The following HSPG2 variants were observed in gnomAD, a reference collection of about 807,000 sequenced individuals.
HSPG2 encodes basement membrane-specific heparan sulfate proteoglycan core protein.
A neutral mutation model predicts 526.6 loss-of-function variants in HSPG2; 278 were observed. The ratio of observed to expected loss-of-function variants is 0.53; its 90% CI spans 0.48 to 0.58. The LOEUF (loss-of-function observed/expected upper bound fraction) is 0.58, where lower values mean the gene tolerates loss of function less well. Ranked by LOEUF, HSPG2 falls within the 20% of genes least tolerant of loss-of-function variation. HSPG2 has a pLI of 0.00. For synonymous variants in HSPG2, 2,465 were observed against 2,555.4 expected, an observed-to-expected ratio of 0.96 and a Z score of 1.07; for missense variants, 5,354 against 6,099.5, an observed-to-expected ratio of 0.88 and a Z score of 4.07.
chr1:21,870,260 TC>T, intron 33 of HSPG2: 1 of 986,040 alleles, frequency 1.0e-6, no homozygotes, highest in Non-Finnish European at 1.2e-6. Flanking sequence ...GGCTCTGGGA[TC>T]CTCCCAGCTG....
In HSPG2 at chr1:21,857,067, G is replaced by C; in HGVS notation, c.5523C>G (p.Thr1841=). 3 of 1,614,136 alleles carry C rather than the reference G, an allele frequency of 1.9e-6. No homozygotes were observed. Among genetic ancestry groups the C allele is most frequent in the Non-Finnish European group, 2.5e-6 (3 of 1,180,028 alleles). ...QLSDAGTYVC[T]GSNMFAMDQG... ...GGTCCATGGCAAACATGTTGGAGCC[G>C]GTGCACACGTAGGTGCCTGCATCAC... Residue 1841 remains threonine (T), a synonymous_variant, in exon 44 of 97, where the codon ACC becomes ACG. Transcript: ENST00000374695.
intron 91 of HSPG2, among the ~76,000 whole-genome samples, chr1:21,827,551 G>A (rs1366911686): frequency 6.6e-6 from 1 of 152,222 alleles, no homozygotes; most frequent in African/African-American, 2.4e-5. Context: ...TTGGGAATGA[G>A]GGTCTTGCTT....
At chr1:21,835,131 C>T (rs1006601711) in intron 76 of HSPG2, 186 bp from the exon 77 acceptor site, 4 of 699,090 alleles carry the variant, frequency 5.7e-6, no homozygotes, top group Admixed American at 4.6e-5. Flanking sequence ...TACTCACTCA[C>T]GTGTCCACTT....
chr1:21,889,897 C>A (rs775668614), intron 6 of HSPG2, 84 bp downstream of exon 6: 7 of 1,428,984 alleles, frequency 4.9e-6, no homozygotes, highest in East Asian at 2.3e-5. Context: ...TGTGCAAGCC[C>A]AAGTTGGGAG....
rs746789334 is a variant in HSPG2 at position 21,847,714 on chromosome 1, C to G, written c.8000G>C (p.Gly2667Ala). 1.2e-6 allele frequency: 2 copies of G among 1,610,658 alleles called. No individual in the cohort carries two copies. The highest frequency in any genetic ancestry group is 1.7e-5 in the Admixed American group (1 of 59,496). The change falls in exon 61 of 97, where the codon GGG becomes GCG. Residue 2667 changes from glycine (G) to alanine (A), a missense_variant. Transcript: ENST00000374695. The surrounding 1 kb of genome is among the most constrained non-coding windows in gnomAD (Gnocchi z 4.1). Reference sequence around the variant, plus strand: ...CTGGTGTCGGGAGGGAAGGCTGCCCCCACGCTTGTACCATGTGATGATAGC... The same window carrying G: ...CTGGTGTCGGGAGGGAAGGCTGCCCGCACGCTTGTACCATGTGATGATAGC... ...PQAIITWYKR[G>A]GSLPSRHQTH... is the part of the protein sequence containing the mutation.
chr1:21,855,191 G>T, intron 47 of HSPG2, 113 bp downstream of exon 47: 1 of 1,432,312 alleles, frequency 7.0e-7, no homozygotes, highest in Non-Finnish European at 9.4e-7. Context: ...TCTTGGAGGT[G>T]AAGGGAGCCA....
At chr1:21,928,338 G>A (rs531512509) in intron 1 of HSPG2, among the ~76,000 whole-genome samples, 3 of 152,384 alleles carry the variant, frequency 2.0e-5, no homozygotes, top group Admixed American at 2.0e-4. Context: ...CAGCTCCCAA[G>A]TGCAGGGGCC....
intron 91 of HSPG2, among the ~76,000 whole-genome samples, chr1:21,827,063 C>T (rs901931990): frequency 6.6e-6 from 1 of 151,856 alleles, no homozygotes; most frequent in East Asian, 2.0e-4. Flanking sequence ...CAAAAATTAG[C>T]GGGGTGTGGT....
At chr1:21,879,339 T>A (rs898547198) in intron 17 of HSPG2, among the ~76,000 whole-genome samples, 5 of 152,212 alleles carry the variant, frequency 3.3e-5, no homozygotes, top group African/African-American at 1.2e-4. Context: ...CTGCTTTTTA[T>A]TGACCTAAAC....
In HSPG2 at chr1:21,839,589, T is replaced by C. The variant is rs1402931473; in HGVS notation, c.9710-39A>G. The C allele has an allele frequency of 6.2e-7, 1 of 1,608,542 alleles. No homozygotes were observed. On this transcript the variant is annotated intron_variant, in intron 72 of 96. Coordinates refer to ENST00000374695, the MANE Select transcript of HSPG2 (RefSeq NM_005529.7). This position sits in a 1 kb window ranked among gnomAD's most constrained non-coding sequence, Gnocchi z 4.5. ...TGGAAGATGACAGAAGTCACTGGGC[T>C]ACCTCAGGGACCCGCAGAGGGTGGC...
intron 1 of HSPG2, among the ~76,000 whole-genome samples, chr1:21,914,625 G>C (rs1485090532): frequency 6.6e-6 from 1 of 152,178 alleles, no homozygotes; most frequent in African/African-American, 2.4e-5. Context: ...TTCTTCCAGG[G>C]ATTGGCCATG....
At position 21,871,063 on chromosome 1, in the gene HSPG2, AC is replaced by A. The variant is rs1406703149; in HGVS notation, c.4221+1122del. ...AACGAACAGGGATAGGGCAACCCCA[AC>A]CCCAGAGCGTGGGTGCCACCGGATG... On this transcript the variant is annotated intron_variant, in intron 33 of 96. Transcript: ENST00000374695. Among the ~76,000 whole-genome samples the A allele has an allele frequency of 2.6e-5, 4 of 151,982 alleles. No homozygotes were observed. The East Asian group carries it at 7.7e-4, about 29-fold the overall frequency.
chr1:21,841,206 A>G lies in HSPG2; in HGVS notation c.9408T>C (p.Ser3136=). 6.2e-7 allele frequency: 1 copy of G among 1,613,836 alleles called. No individual in the cohort carries two copies. The change falls in exon 71 of 97, where the codon AGT becomes AGC. Residue 3136 remains serine (S), a synonymous_variant. Coordinates refer to ENST00000374695, the MANE Select transcript of HSPG2 (RefSeq NM_005529.7). ...VGKAVTLECV[S]AGEPRSSARW... is the part of the protein sequence containing the mutation. ...GAGCAGAGGAGCGGGGCTCCCCGGC[A>G]CTGACACACTCCAGGGTGACAGCCT... is the stretch of plus-strand genomic sequence containing the variant.
chr1:21,863,246 G>C (rs1351849938), intron 37 of HSPG2, among the ~76,000 whole-genome samples: 3 of 149,976 alleles, frequency 2.0e-5, no homozygotes, highest in African/African-American at 7.4e-5. Flanking sequence ...GGTAGCGGGC[G>C]CCTGTAGTCC....
chr1:21,905,171 C>CA (rs1557816019), intron 1 of HSPG2, among the ~76,000 whole-genome samples: 10,545 of 81,778 alleles, frequency 0.13, 1,094 homozygotes, highest in East Asian at 0.4. Flanking sequence ...CACCACCCAC[C>CA]CACACACACA....
chr1:21,926,470 C>T (rs565562734), intron 1 of HSPG2, among the ~76,000 whole-genome samples: 1 of 152,170 alleles, frequency 6.6e-6, no homozygotes, highest in African/African-American at 2.4e-5. Flanking sequence ...GTGATAGAGG[C>T]TGCTGGGCGT....
chr1:21,861,680 C>G (rs1572264306), intron 39 of HSPG2, 77 bp downstream of exon 39: 1 of 1,332,720 alleles, frequency 7.5e-7, no homozygotes, highest in East Asian at 2.4e-5. Context: ...CTTTTCTGAG[C>G]AACACCCTTT....
chr1:21,824,938 A>T lies in HSPG2; in HGVS notation c.12590-159T>A, dbSNP rs972790248. On this transcript the variant is annotated intron_variant, in intron 91 of 96. Coordinates refer to ENST00000374695, the MANE Select transcript of HSPG2 (RefSeq NM_005529.7). The surrounding 1 kb of genome is among the most constrained non-coding windows in gnomAD (Gnocchi z 5.9). ...CGGGGGCTGCCAACAGAATTCAGGG[A>T]GCCTATGACCTTGGATGGGAAAGCA... 1.4e-6 allele frequency: 1 copy of T among 700,036 alleles called. No homozygotes were observed. The allele number at this position is 700,036 out of a possible 1,614,324, so 43.4% of individuals were successfully genotyped here. A position where few individuals can be genotyped will look rare whatever the true frequency, so the allele number is the denominator to read the frequency against.
chr1:21,876,772 C>T (rs1641102017), intron 21 of HSPG2, 120 bp from the exon 22 acceptor site: 2 of 1,339,940 alleles, frequency 1.5e-6, no homozygotes, highest in South Asian at 2.5e-5. Context: ...TGAAAGAGCA[C>T]ATGTGGCTGG....
Sources: allele counts gnomAD v4.1 joint callset (sites outside exome capture counted in the v4.1 genomes callset), GRCh38; gene constraint gnomAD v4.1.1; non-coding constraint Gnocchi (gnomAD v3.1); transcripts MANE v1.5; gene names NCBI Gene and HGNC (gene_info 2026-07-23, HGNC 2026-07-21).